The following MMP16 variants were observed in gnomAD, a reference collection of about 807,000 sequenced individuals.
The protein encoded by MMP16 is matrix metalloproteinase-16.
MMP16 carries 12 observed loss-of-function variants against 67.8 expected under a neutral mutation model. The observed-to-expected ratio is 0.18, with a 90% confidence interval of 0.11 to 0.29. The LOEUF (loss-of-function observed/expected upper bound fraction) is 0.29. MMP16 is among the 10% of genes least tolerant of loss of function. MMP16 has a pLI of 1.00. For synonymous variants in MMP16, 249 were observed against 255.9 expected (o/e 0.97, Z 0.26); for missense variants, 475 against 765.7 (o/e 0.62, Z 4.48).
chr8:88,068,607 T>C (rs773744541), intron 7 of MMP16, among the ~76,000 whole-genome samples: 33 of 152,272 alleles, frequency 2.2e-4, no homozygotes, highest in Non-Finnish European at 3.7e-4. Context: ...TTTTTTTACA[T>C]GTATCTTTGT....
chr8:88,257,895 G>A (rs1035562775), intron 1 of MMP16, among the ~76,000 whole-genome samples: 1 of 152,032 alleles, frequency 6.6e-6, no homozygotes, highest in Non-Finnish European at 1.5e-5. Context: ...AAGGTCAGTT[G>A]GTCAGTTAAG....
At chr8:88,275,848 T>C (rs1049050081) in intron 1 of MMP16, among the ~76,000 whole-genome samples, 2 of 152,098 alleles carry the variant, frequency 1.3e-5, no homozygotes. Flanking sequence ...CACATAGCAG[T>C]GTTTAGCTTC....
chr8:88,316,241 T>C (rs1811373191), intron 1 of MMP16, among the ~76,000 whole-genome samples: 1 of 152,176 alleles, frequency 6.6e-6, no homozygotes, highest in Non-Finnish European at 1.5e-5. Flanking sequence ...ATAATCGATG[T>C]AGGTGGGTAC....
intron 1 of MMP16, among the ~76,000 whole-genome samples, chr8:88,244,654 C>T (rs891025125): frequency 3.9e-5 from 6 of 152,154 alleles, no homozygotes; most frequent in Non-Finnish European, 8.8e-5. Context: ...GGAGAGGCTA[C>T]ATAGCTTGCC....
At chr8:88,070,607 C>G (rs1808536945) in intron 7 of MMP16, among the ~76,000 whole-genome samples, 2 of 152,154 alleles carry the variant, frequency 1.3e-5, no homozygotes, top group South Asian at 2.1e-4. Context: ...GTTACTTTCT[C>G]CTGTGCACTG....
Position 88,141,360 on chromosome 8 carries a change from A to G in MMP16, c.710-22499T>C, listed in dbSNP as rs192477826. Among the ~76,000 whole-genome samples the G allele has an allele frequency of 1.8e-4, 28 of 152,306 alleles. No individual in the cohort carries two copies. The East Asian group carries it at 5.2e-3, about 28-fold the overall frequency. Reference sequence around the variant, plus strand: ...CCTTTCAGTATTAAGAAAGTATATAAATCAGTGAAATTAAATTTTTATCTA... The same window carrying G: ...CCTTTCAGTATTAAGAAAGTATATAGATCAGTGAAATTAAATTTTTATCTA... On this transcript the variant is annotated intron_variant, in intron 4 of 9. Coordinates refer to ENST00000286614, the MANE Select transcript of MMP16 (RefSeq NM_005941.5).
chr8:88,327,043 C>CG (rs953965193), intron 1 of MMP16, 32 bp downstream of exon 1: 5 of 1,611,804 alleles, frequency 3.1e-6, no homozygotes, highest in African/African-American at 1.3e-5. Flanking sequence ...GCCCAGGCAG[C>CG]GGGGGGAGGA....
intron 1 of MMP16, among the ~76,000 whole-genome samples, chr8:88,248,064 T>C (rs1375566363): frequency 6.6e-6 from 1 of 152,058 alleles, no homozygotes; most frequent in Non-Finnish European, 1.5e-5. Flanking sequence ...ATATCCCCTA[T>C]ATACATACAC....
chr8:88,171,570 T>G (rs949166777), intron 3 of MMP16, among the ~76,000 whole-genome samples: 2 of 152,180 alleles, frequency 1.3e-5, no homozygotes, highest in Non-Finnish European at 2.9e-5. Context: ...TTGTGGATTT[T>G]GGATAGAATA....
At chr8:88,294,567 CAT>C (rs1275571788) in intron 1 of MMP16, among the ~76,000 whole-genome samples, 6 of 150,702 alleles carry the variant, frequency 4.0e-5, no homozygotes, top group African/African-American at 1.2e-4. Context: ...TCTATACACA[CAT>C]ATGTATATAT....
chr8:88,280,453 T>C (rs924851782), intron 1 of MMP16, among the ~76,000 whole-genome samples: 1 of 152,196 alleles, frequency 6.6e-6, no homozygotes, highest in Admixed American at 6.5e-5. Flanking sequence ...AAAATACCAA[T>C]ATACCATCTC....
intron 1 of MMP16, among the ~76,000 whole-genome samples, chr8:88,253,791 T>C (rs1237430451): frequency 2.6e-5 from 4 of 152,066 alleles, no homozygotes; most frequent in African/African-American, 4.8e-5. Flanking sequence ...ACCTACAAAC[T>C]AGCTAAACAG....
At chr8:88,308,415 T>C (rs1477199825) in intron 1 of MMP16, among the ~76,000 whole-genome samples, 1 of 152,096 alleles carries the variant, frequency 6.6e-6, no homozygotes, top group African/African-American at 2.4e-5. Context: ...GTCAGATACA[T>C]GCAGTAGAAT....
At chr8:88,101,165 C>A (rs1413315583) in intron 6 of MMP16, among the ~76,000 whole-genome samples, 19 of 151,736 alleles carry the variant, frequency 1.3e-4, no homozygotes, top group African/African-American at 4.6e-4. Flanking sequence ...TCTCATTATA[C>A]AGATGAAAAA....
chr8:88,228,882 C>T (rs1045731873), intron 1 of MMP16, among the ~76,000 whole-genome samples: 4 of 151,938 alleles, frequency 2.6e-5, no homozygotes, highest in East Asian at 1.9e-4. Context: ...CACTACAGGC[C>T]GGGCATGATG....
intron 1 of MMP16, among the ~76,000 whole-genome samples, chr8:88,242,776 C>T (rs1356652508): frequency 6.6e-6 from 1 of 152,134 alleles, no homozygotes; most frequent in Non-Finnish European, 1.5e-5. Flanking sequence ...AGAATAGTCA[C>T]ACTTTAAAAT....
At chr8:88,269,630 G>A (rs1810534150) in intron 1 of MMP16, among the ~76,000 whole-genome samples, 1 of 152,106 alleles carries the variant, frequency 6.6e-6, no homozygotes, top group Non-Finnish European at 1.5e-5. Context: ...CATTCAGCCT[G>A]GAAAATAGTC....
chr8:88,133,518 A>G (rs1808068507), intron 4 of MMP16, among the ~76,000 whole-genome samples: 1 of 151,824 alleles, frequency 6.6e-6, no homozygotes, highest in South Asian at 2.1e-4. Context: ...TTATATCTGA[A>G]GAATATGTTC....
intron 1 of MMP16, among the ~76,000 whole-genome samples, chr8:88,274,414 C>T (rs1372164636): frequency 1.3e-5 from 2 of 151,958 alleles, no homozygotes; most frequent in African/African-American, 4.8e-5. Context: ...TTGTATTTTT[C>T]TCTCTCACTT....
Sources: gnomAD v4.1 joint callset for allele counts (sites outside exome capture counted in the v4.1 genomes callset) on GRCh38, gnomAD v4.1.1 for gene constraint, MANE v1.5 for transcripts, NCBI Gene and HGNC (gene_info 2026-07-23, HGNC 2026-07-21) for gene names.